EPB41L4A: variants seen among roughly 807,000 people sequenced by gnomAD.
The protein encoded by EPB41L4A is band 4.1-like protein 4A.
In EPB41L4A, 100 loss-of-function variants were observed where a neutral mutation model predicts 108.6. The ratio of observed to expected loss-of-function variants is 0.92; its 90% CI spans 0.78 to 1.09. The LOEUF (loss-of-function observed/expected upper bound fraction) is 1.09, where lower values mean the gene tolerates loss of function less well. Among genes scored for constraint, EPB41L4A ranks in the 50% least tolerant of loss-of-function variants. The probability of loss-of-function intolerance (pLI) is 0.00; values close to 1 mark genes in which losing one functional copy is unlikely to be tolerated. For synonymous variants in EPB41L4A, 319 were observed against 289.0 expected (o/e 1.10, Z -1.05); for missense variants, 1,030 against 842.7 (o/e 1.22, Z -2.75).
chr5:112,286,098 C>CT (rs1032419878), intron 2 of EPB41L4A, among the ~76,000 whole-genome samples: 1 of 152,114 alleles, frequency 6.6e-6, no homozygotes, highest in African/African-American at 2.4e-5. Context: ...CTTTAATATT[C>CT]TGACTCCACC....
At chr5:112,176,049 C>G (rs1440892675) in intron 18 of EPB41L4A, among the ~76,000 whole-genome samples, 3 of 152,142 alleles carry the variant, frequency 2.0e-5, no homozygotes, top group African/African-American at 7.2e-5. Context: ...TCACCACCTC[C>G]TCATCTCAAG....
chr5:112,319,349 A>C (rs1755623083), intron 1 of EPB41L4A, among the ~76,000 whole-genome samples: 1 of 152,234 alleles, frequency 6.6e-6, no homozygotes. Flanking sequence ...TGTGTGAATA[A>C]ATAAAAAGAA....
rs76883968 is a variant in EPB41L4A at position 112,233,379 on chromosome 5, T to G, written c.1087+1255A>C. On this transcript the variant is annotated intron_variant, in intron 12 of 22. Coordinates refer to ENST00000261486, the MANE Select transcript of EPB41L4A (RefSeq NM_022140.5). The stretch of plus-strand genomic sequence containing the variant: ...AAATGCCCATGTGGCACTTTTGGGA[T>G]GCAGGCTAGATTAAACTTTGTATGT... Among the ~76,000 whole-genome samples, 1,099 of 152,330 alleles carry G rather than the reference T, an allele frequency of 7.2e-3. 7 individuals carry two copies. The highest frequency in any genetic ancestry group is 0.025 in the African/African-American group (1,050 of 41,566).
At chr5:112,277,004 AC>A (rs1469172374) in intron 3 of EPB41L4A, among the ~76,000 whole-genome samples, 9 of 152,344 alleles carry the variant, frequency 5.9e-5, no homozygotes, top group African/African-American at 2.2e-4. Context: ...TGTTTGTTTA[AC>A]CACTGTGTTT....
At chr5:112,218,557 A>C (rs77414923) in intron 12 of EPB41L4A, among the ~76,000 whole-genome samples, 4,346 of 152,316 alleles carry the variant, frequency 0.029, 221 homozygotes, top group African/African-American at 0.1. Context: ...GGTCTAGGGC[A>C]GGTGGATAGT....
At chr5:112,334,081 C>A (rs1180881572) in intron 1 of EPB41L4A, among the ~76,000 whole-genome samples, 2 of 152,068 alleles carry the variant, frequency 1.3e-5, no homozygotes, top group Non-Finnish European at 2.9e-5. Flanking sequence ...CCTTATTATA[C>A]GCTCCTCCCT....
At chr5:112,154,684 T>C (rs1759589765) in intron 12 of EPB41L4A, among the ~76,000 whole-genome samples, 3 of 152,142 alleles carry the variant, frequency 2.0e-5, no homozygotes, top group Admixed American at 2.0e-4. Flanking sequence ...CCCCACAAAA[T>C]TTTTTTAAAT....
intron 15 of EPB41L4A, among the ~76,000 whole-genome samples, chr5:112,197,261 A>C (rs1467422327): frequency 6.6e-6 from 1 of 152,092 alleles, no homozygotes; most frequent in South Asian, 2.1e-4. Flanking sequence ...TTCAAAGCCA[A>C]ACTTTTGGAG....
chr5:112,406,674 T>C lies in EPB41L4A; in HGVS notation c.99+12267A>G, dbSNP rs1278415147. 3.3e-5 allele frequency among the ~76,000 whole-genome samples: 5 copies of C among 151,596 alleles called. No homozygotes were observed. In the East Asian group the frequency reaches 7.8e-4, roughly 24 times the overall value. On this transcript the variant is annotated intron_variant, in intron 1 of 22. Coordinates refer to ENST00000261486, the MANE Select transcript of EPB41L4A (RefSeq NM_022140.5). ...AGGGCGCAGTTAGGAGTATGGGAGG[T>C]GATGGGATTGGCAGTGAAATCTACA...
intron 1 of EPB41L4A, among the ~76,000 whole-genome samples, chr5:112,390,556 G>A (rs1319863403): frequency 6.6e-6 from 1 of 152,116 alleles, no homozygotes; most frequent in African/African-American, 2.4e-5. Flanking sequence ...ACTCAAACTG[G>A]GTGGAGCTCA....
chr5:112,243,880 A>G (rs1039202888), intron 9 of EPB41L4A, among the ~76,000 whole-genome samples: 1 of 152,200 alleles, frequency 6.6e-6, no homozygotes, highest in African/African-American at 2.4e-5. Flanking sequence ...TTCTATCCAG[A>G]CCATTCGAAC....
chr5:112,212,953 T>G (rs977404076), intron 12 of EPB41L4A, among the ~76,000 whole-genome samples: 2 of 152,028 alleles, frequency 1.3e-5, no homozygotes, highest in East Asian at 1.9e-4. Context: ...TTCCCTTCCA[T>G]CCAAAAATTA....
chr5:112,258,641 C>A (rs145031379), intron 9 of EPB41L4A, among the ~76,000 whole-genome samples: 1 of 152,292 alleles, frequency 6.6e-6, no homozygotes, highest in African/African-American at 2.4e-5. Context: ...CTCAAAGACA[C>A]ACATCAAGGC....
At chr5:112,301,240 C>T (rs1203043868) in intron 2 of EPB41L4A, among the ~76,000 whole-genome samples, 11 of 152,036 alleles carry the variant, frequency 7.2e-5, no homozygotes, top group African/African-American at 2.4e-4. Flanking sequence ...TATCATATTA[C>T]CAGAATTGTT....
At chr5:112,281,215 C>T (rs1179830976) in intron 2 of EPB41L4A, among the ~76,000 whole-genome samples, 1 of 152,198 alleles carries the variant, frequency 6.6e-6, no homozygotes, top group Non-Finnish European at 1.5e-5. Flanking sequence ...CTAATAACTG[C>T]CTTTGGCCAG....
intron 9 of EPB41L4A, chr5:112,256,891 A>AG (rs1368644776): frequency 2.0e-5 from 3 of 152,154 alleles, no homozygotes; most frequent in African/African-American, 7.2e-5. Flanking sequence ...TACAGTGAAC[A>AG]TGTACGATCT....
chr5:112,402,505 G>A (rs963198632), intron 1 of EPB41L4A, among the ~76,000 whole-genome samples: 5 of 152,140 alleles, frequency 3.3e-5, no homozygotes, highest in East Asian at 1.9e-4. Flanking sequence ...AAAAAAGCAC[G>A]GGAGTGCTTG....
chr5:112,351,629 G>A (rs1440828885), intron 1 of EPB41L4A, among the ~76,000 whole-genome samples: 4 of 152,104 alleles, frequency 2.6e-5, no homozygotes, highest in South Asian at 2.1e-4. Flanking sequence ...CCAGCATTAC[G>A]CTGATGCCAA....
intron 9 of EPB41L4A, chr5:112,250,639 A>C (rs967230665): frequency 2.6e-5 from 4 of 152,206 alleles, no homozygotes; most frequent in Non-Finnish European, 5.9e-5. Flanking sequence ...CTTCTGAATA[A>C]GTGGCCCATG....
Sources: gnomAD v4.1 joint callset for allele counts (sites outside exome capture counted in the v4.1 genomes callset) on GRCh38, gnomAD v4.1.1 for gene constraint, MANE v1.5 for transcripts, NCBI Gene and HGNC (gene_info 2026-07-23, HGNC 2026-07-21) for gene names.